The following KCNN1 variants were observed in gnomAD, a reference collection of about 807,000 sequenced individuals.
The protein encoded by KCNN1 is potassium calcium-activated channel subfamily N member 1.
In KCNN1, 20 loss-of-function variants were observed where a neutral mutation model predicts 44.7. The observed-to-expected ratio is 0.45, with a 90% CI of 0.32 to 0.65. KCNN1 has a LOEUF of 0.65. Ranked by LOEUF, KCNN1 falls within the 30% of genes least tolerant of loss-of-function variation. The probability of loss-of-function intolerance (pLI) is 0.05; values close to 1 mark genes in which losing one functional copy is unlikely to be tolerated. For synonymous variants in KCNN1, 324 were observed against 341.7 expected (o/e 0.95, Z 0.57); for missense variants, 632 against 785.3 (o/e 0.80, Z 2.33).
Position 17,976,145 on chromosome 19 carries a change from A to C in KCNN1, c.498+958A>C, listed in dbSNP as rs916449159. On this transcript the variant is annotated intron_variant, in intron 3 of 9. Coordinates refer to ENST00000684775, the MANE Select transcript of KCNN1 (RefSeq NM_001386974.1). ...AGCTTGGTCAACGTGGTGAAACTCC[A>C]TCTCTACAAAAATTAGCCAGGCATG... Among the ~76,000 whole-genome samples, 3 of 152,000 alleles carry C rather than the reference A, an allele frequency of 2.0e-5. No homozygotes were observed. The South Asian group carries it at 6.2e-4, about 32-fold the overall frequency.
chr19:17,962,260 G>A (rs2031699447), upstream of KCNN1, among the ~76,000 whole-genome samples: 1 of 152,142 alleles, frequency 6.6e-6, no homozygotes, highest in Non-Finnish European at 1.5e-5. Flanking sequence ...GCTTATGATG[G>A]AGCTGCTACC....
chr19:17,973,662 C>A, intron 1 of KCNN1, 146 bp from the exon 2 acceptor site: 1 of 907,442 alleles, frequency 1.1e-6, no homozygotes, highest in Non-Finnish European at 1.6e-6. Flanking sequence ...CAGGCTGACT[C>A]AGATGTTTCT....
In KCNN1 at chr19:17,983,887, G is replaced by A. The variant is rs1442247198; in HGVS notation, c.918-1425G>A. ...GATGGGGGTCAGTCAGCTGGGCACC[G>A]TGGCTCATGCCTGTAATCCCAGCAC... On this transcript the variant is annotated intron_variant, in intron 4 of 9. Coordinates refer to ENST00000684775, the MANE Select transcript of KCNN1 (RefSeq NM_001386974.1). This position sits in a 1 kb window ranked among gnomAD's most constrained non-coding sequence, Gnocchi z 4.5. Among the ~76,000 whole-genome samples the A allele has an allele frequency of 6.6e-6, 1 of 151,976 alleles. No homozygotes were observed. The highest frequency in any genetic ancestry group is 1.5e-5 in the Non-Finnish European group (1 of 67,986).
chr19:17,979,769 G>A (rs2032335467), intron 3 of KCNN1, among the ~76,000 whole-genome samples: 1 of 151,984 alleles, frequency 6.6e-6, no homozygotes, highest in Non-Finnish European at 1.5e-5. Context: ...CCTAGAACGC[G>A]CGGCCGCCAC....
intron 4 of KCNN1, chr19:17,982,517 C>T: frequency 1.0e-6 from 1 of 983,410 alleles, no homozygotes; most frequent in Non-Finnish European, 1.2e-6. Context: ...TCCCATCTCC[C>T]ACGTTTAACC....
upstream of KCNN1, among the ~76,000 whole-genome samples, chr19:17,964,625 C>T (rs147945357): frequency 2.8e-3 from 424 of 152,330 alleles, 1 homozygote; most frequent in Non-Finnish European, 4.0e-3. The surrounding 1 kb of genome is among the most constrained non-coding windows in gnomAD (Gnocchi z 4.3). Flanking sequence ...CTGCCTGGAA[C>T]GGAGACCCAG....
At chr19:17,952,674 G>A (rs1039777998) in intron 1 of KCNN1, among the ~76,000 whole-genome samples, 3 of 152,098 alleles carry the variant, frequency 2.0e-5, no homozygotes, top group Non-Finnish European at 2.9e-5. Context: ...GCTGGTTCCC[G>A]TTGCCCCCTC....
At chr19:17,989,117 T>C (rs2032701322) in intron 6 of KCNN1, among the ~76,000 whole-genome samples, 1 of 152,072 alleles carries the variant, frequency 6.6e-6, no homozygotes, top group Admixed American at 6.6e-5. Flanking sequence ...AGCTTCCCCA[T>C]ATAGAAAATC....
intron 2 of KCNN1, among the ~76,000 whole-genome samples, chr19:17,960,220 A>C (rs976857813): frequency 6.6e-6 from 1 of 152,232 alleles, no homozygotes; most frequent in African/African-American, 2.4e-5. Flanking sequence ...CAATGAGGCC[A>C]TATCATTGCC....
In KCNN1 at chr19:17,998,481, G is replaced by C; in HGVS notation, c.*75G>C. The C allele has an allele frequency of 7.3e-7, 1 of 1,364,144 alleles. No homozygotes were observed. Among genetic ancestry groups the C allele is most frequent in the Non-Finnish European group, 9.6e-7 (1 of 1,037,680 alleles). The allele number at this position is 1,364,144 out of a possible 1,614,324, so 84.5% of individuals were successfully genotyped here. ...CACCTCCGGGAAGCCTTGTACAGTG[G>C]CGCCTCTTGGAGTTCAAGAAGCCAA... On this transcript the variant is annotated 3_prime_UTR_variant, in exon 10 of 10. Transcript: ENST00000684775. The surrounding 1 kb of genome is among the most constrained non-coding windows in gnomAD (Gnocchi z 5.4).
chr19:17,958,193 T>C (rs2031588977), intron 2 of KCNN1, among the ~76,000 whole-genome samples: 1 of 152,022 alleles, frequency 6.6e-6, no homozygotes, highest in South Asian at 2.1e-4. Flanking sequence ...TGGGGCAGTA[T>C]AATCAGATTT....
chr19:17,962,836 A>G (rs959571617), upstream of KCNN1, among the ~76,000 whole-genome samples: 13 of 150,698 alleles, frequency 8.6e-5, no homozygotes, highest in Non-Finnish European at 4.4e-5. Flanking sequence ...CCTCCCGAGT[A>G]GGTGGGATTA....
chr19:17,999,902 C>A lies in KCNN1; in HGVS notation c.*1496C>A, dbSNP rs1044534428. ...GGGTATGAGGAGGTGCTGGTCAGAC[C>A]CGGGTTCGAGTCCTGACTCTGCCAC... On this transcript the variant is annotated 3_prime_UTR_variant, in exon 10 of 10. Coordinates refer to ENST00000684775, the MANE Select transcript of KCNN1 (RefSeq NM_001386974.1). 3 of 452,992 alleles carry A rather than the reference C, an allele frequency of 6.6e-6. No homozygotes were observed. The highest frequency in any genetic ancestry group is 4.4e-6 in the Non-Finnish European group (1 of 225,592). 28.1% of individuals were successfully genotyped at this position (452,992 alleles called of 1,614,324 possible).
rs1355445700 is a variant in KCNN1, at chr19:17,988,464, A to G, written c.1109A>G (p.Glu370Gly). 6.2e-7 allele frequency: 1 copy of G among 1,613,678 alleles called. No individual in the cohort carries two copies. Among genetic ancestry groups the G allele is most frequent in the Non-Finnish European group, 8.5e-7 (1 of 1,179,916 alleles). ...LVVAVVARKLELTKAEKHVHN... is the reference protein window; with the variant it reads ...LVVAVVARKLGLTKAEKHVHN... ...GTGGCTGTGGTGGCTCGGAAGCTGG[A>G]GCTCACCAAGGCTGAGAAGCACGTG... The change falls in exon 6 of 10, where the codon GAG becomes GGG. Residue 370 changes from glutamate to glycine, a missense_variant. By Grantham distance (98) the Glu-to-Gly change is moderately conservative. Coordinates refer to ENST00000684775, the MANE Select transcript of KCNN1 (RefSeq NM_001386974.1).
chr19:17,990,799 C>CAAAAAAA (rs1252211442), intron 7 of KCNN1, among the ~76,000 whole-genome samples: 8 of 54,726 alleles, frequency 1.5e-4, no homozygotes, highest in African/African-American at 2.7e-4. Context: ...GACTCTGTCT[C>CAAAAAAA]AAAAAAAAAA....
At chr19:17,953,939 A>G (rs1330565299) in intron 1 of KCNN1, among the ~76,000 whole-genome samples, 1 of 152,028 alleles carries the variant, frequency 6.6e-6, no homozygotes, top group Non-Finnish European at 1.5e-5. Flanking sequence ...AATGTCACCC[A>G]CCTAGATCTC....
At position 17,997,015 on chromosome 19, in the gene KCNN1, G is replaced by A. The variant is rs142400512; in HGVS notation, c.1378-1137G>A. ...CTCAGAGCCGTGGAGTGATGTTCTAGTGCCACCTGGTGGCCAGAGTGGTGT... is the reference window on the plus strand; with the variant it reads ...CTCAGAGCCGTGGAGTGATGTTCTAATGCCACCTGGTGGCCAGAGTGGTGT... On this transcript the variant is annotated intron_variant, in intron 9 of 9. Transcript: ENST00000684775. 1.6e-3 allele frequency among the ~76,000 whole-genome samples: 250 copies of A among 152,256 alleles called. 2 individuals carry two copies. The highest frequency in any genetic ancestry group is 5.7e-3 in the African/African-American group (237 of 41,534).
chr19:17,978,013 T>A (rs1256489009), intron 3 of KCNN1, among the ~76,000 whole-genome samples: 3 of 152,010 alleles, frequency 2.0e-5, no homozygotes, highest in African/African-American at 7.2e-5. Flanking sequence ...GGCTCCCTTT[T>A]GGGGTGATGG....
Position 17,978,126 on chromosome 19 carries a change from G to GTTT in KCNN1, c.498+2955_498+2957dup, listed in dbSNP as rs761452750. 1.2e-3 allele frequency among the ~76,000 whole-genome samples: 152 copies of GTTT among 130,934 alleles called. 2 individuals carry two copies. The highest frequency in any genetic ancestry group is 4.0e-3 in the Middle Eastern group (1 of 248). The allele number at this position is 130,934 out of a possible 152,430, so 85.9% of individuals were successfully genotyped here. A position where few individuals can be genotyped will look rare whatever the true frequency, so the allele number is the denominator to read the frequency against. On this transcript the variant is annotated intron_variant, in intron 3 of 9. Transcript: ENST00000684775. The stretch of plus-strand genomic sequence containing the variant: ...TTGTGAATTTCATATATGTATACTT[G>GTTT]TTTTTTTTTTTTTTTTTTGAGATGG...
Sources: gnomAD v4.1 joint callset for allele counts (sites outside exome capture counted in the v4.1 genomes callset) on GRCh38, gnomAD v4.1.1 for gene constraint, Gnocchi (gnomAD v3.1) non-coding constraint, MANE v1.5 for transcripts, NCBI Gene and HGNC (gene_info 2026-07-23, HGNC 2026-07-21) for gene names.